The following KCNK1 variants were observed in gnomAD, a reference collection of about 807,000 sequenced individuals.
The protein encoded by KCNK1 is potassium two pore domain channel subfamily K member 1.
In KCNK1, 10 loss-of-function variants were observed where a neutral mutation model predicts 22.2. The ratio of observed to expected loss-of-function variants is 0.45; its 90% CI spans 0.28 to 0.76. The LOEUF is 0.76. KCNK1 is among the 30% of genes least tolerant of loss of function. The pLI is 0.14. For synonymous variants in KCNK1, 200 were observed against 186.4 expected, an observed-to-expected ratio of 1.07 and a Z score of -0.60; for missense variants, 378 against 421.0, an observed-to-expected ratio of 0.90 and a Z score of 0.89.
intron 2 of KCNK1, among the ~76,000 whole-genome samples, chr1:233,667,231 A>G (rs1658507709): frequency 6.6e-6 from 1 of 151,994 alleles, no homozygotes; most frequent in African/African-American, 2.4e-5. Context: ...TCACCTCTCA[A>G]TGAGGGGTCA....
intron 1 of KCNK1, among the ~76,000 whole-genome samples, chr1:233,649,351 A>T (rs1658158298): frequency 6.6e-6 from 1 of 152,190 alleles, no homozygotes; most frequent in South Asian, 2.1e-4. Context: ...GTGATTTTTC[A>T]TTGGTGAAAT....
intron 1 of KCNK1, among the ~76,000 whole-genome samples, chr1:233,661,700 T>G (rs1571903966): frequency 6.6e-6 from 1 of 152,206 alleles, no homozygotes; most frequent in Admixed American, 6.5e-5. Flanking sequence ...TAACGGAAGA[T>G]GTACATTCCT....
intron 1 of KCNK1, chr1:233,630,811 G>A (rs1238649287): frequency 6.3e-6 from 1 of 158,406 alleles, no homozygotes; most frequent in Non-Finnish European, 1.4e-5. Context: ...CAGGTATGTG[G>A]AAATGTTTGA....
At chr1:233,664,258 C>T (rs991839136) in intron 1 of KCNK1, among the ~76,000 whole-genome samples, 4 of 152,136 alleles carry the variant, frequency 2.6e-5, no homozygotes, top group Non-Finnish European at 5.9e-5. Context: ...TCAGGTGGTT[C>T]TGTAATATCA....
At chr1:233,617,590 G>A (rs183417916) in intron 1 of KCNK1, among the ~76,000 whole-genome samples, 14 of 152,312 alleles carry the variant, frequency 9.2e-5, no homozygotes, top group African/African-American at 3.4e-4. Flanking sequence ...GGACAGTTGT[G>A]TAGACGAATG....
chr1:233,614,632 C>T, intron 1 of KCNK1, 106 bp downstream of exon 1: 2 of 842,292 alleles, frequency 2.4e-6, no homozygotes, highest in South Asian at 3.6e-5. Context: ...CCCCACCCCC[C>T]ACCTTTCGCC....
intron 1 of KCNK1, among the ~76,000 whole-genome samples, chr1:233,623,807 G>A (rs368439273): frequency 1.2e-3 from 188 of 152,238 alleles, no homozygotes; most frequent in South Asian, 6.4e-3. Flanking sequence ...TGCCATGCTG[G>A]TCTTGAACTC....
intron 1 of KCNK1, among the ~76,000 whole-genome samples, chr1:233,615,622 G>A (rs1001494508): frequency 6.6e-6 from 1 of 152,244 alleles, no homozygotes; most frequent in South Asian, 2.1e-4. Context: ...TGTCGTCCTG[G>A]AACCTGGGCC....
chr1:233,628,779 A>AATAATG (rs1183579231), intron 1 of KCNK1, among the ~76,000 whole-genome samples: 1 of 151,836 alleles, frequency 6.6e-6, no homozygotes, highest in East Asian at 1.9e-4. Context: ...TAATAATAAT[A>AATAATG]ATAAATTTTA....
chr1:233,623,354 T>A (rs1294125296), intron 1 of KCNK1, among the ~76,000 whole-genome samples: 1 of 152,120 alleles, frequency 6.6e-6, no homozygotes, highest in African/African-American at 2.4e-5. Context: ...GAGGAATAAG[T>A]TCTGGTTGTC....
chr1:233,656,458 C>T (rs528981858), intron 1 of KCNK1, among the ~76,000 whole-genome samples: 35 of 152,242 alleles, frequency 2.3e-4, no homozygotes, highest in African/African-American at 7.2e-4. Context: ...GTGTCAGCTG[C>T]CAGGCCTGCA....
At chr1:233,650,017 G>A (rs1658171526) in intron 1 of KCNK1, 1 of 533,332 alleles carries the variant, frequency 1.9e-6, no homozygotes, top group Non-Finnish European at 3.8e-6. Flanking sequence ...GTGCCTAAAG[G>A]AGAGAGCTTG....
chr1:233,644,325 C>T (rs942867951), intron 1 of KCNK1, among the ~76,000 whole-genome samples: 9 of 152,134 alleles, frequency 5.9e-5, no homozygotes, highest in Non-Finnish European at 1.2e-4. Flanking sequence ...GTGGGGGACA[C>T]GGTCAGACCA....
chr1:233,628,416 A>T (rs1439832450), intron 1 of KCNK1, among the ~76,000 whole-genome samples: 1 of 152,144 alleles, frequency 6.6e-6, no homozygotes, highest in Non-Finnish European at 1.5e-5. Flanking sequence ...TACCCAAGTA[A>T]CACACCTGCA....
chr1:233,615,776 G>A (rs909448406), intron 1 of KCNK1, among the ~76,000 whole-genome samples: 1 of 151,724 alleles, frequency 6.6e-6, no homozygotes, highest in Non-Finnish European at 1.5e-5. Flanking sequence ...TTCCCTTTGG[G>A]CTATATCTTG....
chr1:233,614,615 C>T (rs1337661791), intron 1 of KCNK1, 89 bp downstream of exon 1: 2 of 981,294 alleles, frequency 2.0e-6, no homozygotes, highest in East Asian at 2.7e-5. Context: ...CCCCTCTAAC[C>T]CTCCCACCCC....
intron 2 of KCNK1, among the ~76,000 whole-genome samples, chr1:233,667,593 G>A (rs1269687704): frequency 1.3e-5 from 2 of 151,548 alleles, no homozygotes; most frequent in African/African-American, 2.4e-5. Context: ...AGCCGGGCGT[G>A]GTAGCGGGCG....
At chr1:233,623,706 A>G (rs946910354) in intron 1 of KCNK1, among the ~76,000 whole-genome samples, 4 of 152,308 alleles carry the variant, frequency 2.6e-5, no homozygotes, top group Admixed American at 1.3e-4. Context: ...CTCCTGCCTC[A>G]GCCTCCTGAG....
At chr1:233,665,779 C>T (rs936150001) in intron 1 of KCNK1, among the ~76,000 whole-genome samples, 1 of 152,242 alleles carries the variant, frequency 6.6e-6, no homozygotes, top group Non-Finnish European at 1.5e-5. Flanking sequence ...CAATGTCCTG[C>T]TCTTTTTATG....
Sources: gnomAD v4.1 joint callset for allele counts (sites outside exome capture counted in the v4.1 genomes callset) on GRCh38, gnomAD v4.1.1 for gene constraint, MANE v1.5 for transcripts, NCBI Gene and HGNC (gene_info 2026-07-23, HGNC 2026-07-21) for gene names.